The following SLC25A32 variants were observed in gnomAD, a reference collection of about 807,000 sequenced individuals.
SLC25A32 encodes Glycine auxotroph B, complementation of hamster.
Under a neutral mutation model 39.0 loss-of-function variants are expected in SLC25A32, and 32 were observed. The ratio of observed to expected loss-of-function variants is 0.82; its 90% CI spans 0.62 to 1.10. The LOEUF is 1.10. Among genes scored for constraint, SLC25A32 ranks in the 50% least tolerant of loss-of-function variants. SLC25A32 has a pLI of 0.00. For missense variants in SLC25A32, 367 were observed against 395.3 expected (o/e 0.93, Z 0.61); for synonymous variants, 166 against 152.4 (o/e 1.09, Z -0.66).
At position 103,402,522 on chromosome 8, in the gene SLC25A32, C is replaced by T. The variant is rs544661565; in HGVS notation, c.553-468G>A. 3 of 152,220 alleles carry T rather than the reference C, an allele frequency of 2.0e-5. No homozygotes were observed. The South Asian group carries it at 6.2e-4, about 32-fold the overall frequency. 9.4% of individuals were successfully genotyped at this position (152,220 alleles called of 1,614,324 possible). Reference sequence around the variant, plus strand: ...CTTAAAATGATTTTAAAAGCTATTACTCAATTCTTGAAAAACAAACTGAAA... The same window carrying T: ...CTTAAAATGATTTTAAAAGCTATTATTCAATTCTTGAAAAACAAACTGAAA... On this transcript the variant is annotated intron_variant, in intron 4 of 6. Coordinates refer to ENST00000297578, the MANE Select transcript of SLC25A32 (RefSeq NM_030780.5).
At chr8:103,406,065 G>GTATATATATATATATATATA (rs1554628989) in intron 2 of SLC25A32, among the ~76,000 whole-genome samples, 2 of 144,164 alleles carry the variant, frequency 1.4e-5, no homozygotes, top group African/African-American at 2.6e-5. Flanking sequence ...GTGTGTGTGT[G>GTATATATATATATATATATA]TATATATATA....
chr8:103,402,286 TA>T (rs1370100215), intron 4 of SLC25A32: 1 of 368,066 alleles, frequency 2.7e-6, no homozygotes, highest in Non-Finnish European at 4.9e-6. Context: ...AGTTTTTCTT[TA>T]AACAGTATAC....
chr8:103,409,338 C>T (rs777219508), intron 1 of SLC25A32, among the ~76,000 whole-genome samples: 1 of 152,128 alleles, frequency 6.6e-6, no homozygotes, highest in Non-Finnish European at 1.5e-5. Flanking sequence ...TGTTATTCAA[C>T]AGATTCCCCC....
Position 103,398,824 on chromosome 8 carries a change from C to T in SLC25A32, c.*1587G>A, listed in dbSNP as rs986394903. ...GTATGAAAAAATACATCATATTTAA[C>T]TTATAAAGCATTCATCTGCATGTTA... is the stretch of plus-strand genomic sequence containing the variant. On this transcript the variant is annotated 3_prime_UTR_variant, in exon 7 of 7. Coordinates refer to ENST00000297578, the MANE Select transcript of SLC25A32 (RefSeq NM_030780.5). 1.3e-5 allele frequency: 2 copies of T among 150,980 alleles called. No individual in the cohort carries two copies. The highest frequency in any genetic ancestry group is 3.0e-5 in the Non-Finnish European group (2 of 67,748). The allele number at this position is 150,980 out of a possible 1,614,324, so 9.4% of individuals were successfully genotyped here. A position where few individuals can be genotyped will look rare whatever the true frequency, so the allele number is the denominator to read the frequency against.
At position 103,408,018 on chromosome 8, in the gene SLC25A32, C is replaced by T. The variant is rs1279705036; in HGVS notation, c.155-234G>A. Among the ~76,000 whole-genome samples, 7 of 149,410 alleles carry T rather than the reference C, an allele frequency of 4.7e-5. No individual in the cohort carries two copies. In the East Asian group the frequency reaches 1.4e-3, roughly 29 times the overall value. ...TTTGTGTCAGAGTCCCGCTCTATTG[C>T]CCCGGCTGGAGTGCAGTGGCACGAT... On this transcript the variant is annotated intron_variant, in intron 1 of 6. Coordinates refer to ENST00000297578, the MANE Select transcript of SLC25A32 (RefSeq NM_030780.5).
chr8:103,403,063 C>A, intron 4 of SLC25A32, 101 bp downstream of exon 4: 1 of 730,414 alleles, frequency 1.4e-6, no homozygotes, highest in Non-Finnish European at 2.1e-6. Context: ...CTAAGTGTGG[C>A]TTCTTTTTAG....
Position 103,400,416 on chromosome 8 carries a change from TTC to T in SLC25A32, c.941_942del (p.Arg314LysfsTer25). Reference protein sequence around the residue: ...SHFLLDLREKRK With the variant: ...SHFLLDLREKXK ...TGGAATTGTCCTCTTTGAGCTTACT[TTC>T]TCTTTTCTCTAAGGTCAAGTAAAAA... is the stretch of plus-strand genomic sequence containing the variant. On this transcript the variant is annotated frameshift_variant, in exon 7 of 7. Coordinates refer to ENST00000297578, the MANE Select transcript of SLC25A32 (RefSeq NM_030780.5). LOFTEE classifies it high-confidence loss of function. The T allele has an allele frequency of 6.2e-7, 1 of 1,614,156 alleles. No individual in the cohort carries two copies. Among genetic ancestry groups the T allele is most frequent in the Non-Finnish European group, 8.5e-7 (1 of 1,180,002 alleles).
chr8:103,400,426 T>G lies in SLC25A32; in HGVS notation c.933A>C (p.Arg311Ser), dbSNP rs760822562. The G allele has an allele frequency of 1.2e-6, 2 of 1,614,142 alleles. No individual in the cohort carries two copies. The highest frequency in any genetic ancestry group is 8.5e-7 in the Non-Finnish European group (1 of 1,180,000). Residue 311 changes from arginine (R) to serine (S), a missense_variant, in exon 7 of 7, where the codon AGA (arginine) becomes AGC (serine). Arg to Ser is a moderately radical substitution (Grantham distance 110, BLOSUM62 -1). Coordinates refer to ENST00000297578, the MANE Select transcript of SLC25A32 (RefSeq NM_030780.5). ...CTCTTTGAGCTTACTTTCTCTTTTC[T>G]CTAAGGTCAAGTAAAAAATGTGAGA... ...ENVSHFLLDL[R>S]EKRK
At position 103,407,635 on chromosome 8, in the gene SLC25A32, A is replaced by AG; in HGVS notation, c.303dup (p.Phe102LeufsTer9). ...GTAAAATCTCCCAAATCTACTCACAAGAAAAAGTAGAGTCCCCAGGATAAA... is the reference window on the plus strand; with the variant it reads ...GTAAAATCTCCCAAATCTACTCACAAGGAAAAAGTAGAGTCCCCAGGATAAA... On this transcript the variant is annotated frameshift_variant and splice_region_variant, in exon 2 of 7. Coordinates refer to ENST00000297578, the MANE Select transcript of SLC25A32 (RefSeq NM_030780.5). LOFTEE classifies it high-confidence loss of function. 3.2e-6 allele frequency: 5 copies of AG among 1,551,578 alleles called. No individual in the cohort carries two copies. The highest frequency in any genetic ancestry group is 4.4e-6 in the Non-Finnish European group (5 of 1,144,588).
At chr8:103,400,824 T>A (rs1324317648) in intron 6 of SLC25A32, among the ~76,000 whole-genome samples, 1 of 152,208 alleles carries the variant, frequency 6.6e-6, no homozygotes, top group Non-Finnish European at 1.5e-5. Flanking sequence ...TAAATGTATG[T>A]ACAAGCAGGA....
chr8:103,403,409 T>C (rs1586111695), intron 3 of SLC25A32, 85 bp from the exon 4 acceptor site: 1 of 237,710 alleles, frequency 4.2e-6, no homozygotes. Flanking sequence ...TACATTTATG[T>C]AAAAAAAAAA....
intron 6 of SLC25A32, 92 bp from the exon 7 acceptor site, chr8:103,400,638 G>A (rs1170653404): frequency 7.6e-6 from 10 of 1,318,388 alleles, no homozygotes; most frequent in Non-Finnish European, 1.1e-5. Flanking sequence ...GGAGCAAGCA[G>A]CAGTCAAACC....
chr8:103,406,659 A>G (rs1386643918), intron 2 of SLC25A32, among the ~76,000 whole-genome samples: 1 of 152,254 alleles, frequency 6.6e-6, no homozygotes, highest in Non-Finnish European at 1.5e-5. Context: ...AAACAAGAAG[A>G]AACAATTTGC....
chr8:103,401,255 T>C (rs1488533522), intron 6 of SLC25A32, among the ~76,000 whole-genome samples: 2 of 152,250 alleles, frequency 1.3e-5, no homozygotes, highest in Non-Finnish European at 2.9e-5. Context: ...CTAAATTTTA[T>C]TTTCCAAAAC....
In SLC25A32 at chr8:103,404,787, G is replaced by A; in HGVS notation, c.380C>T (p.Ala127Val). The A allele has an allele frequency of 6.2e-7, 1 of 1,611,642 alleles. No individual in the cohort carries two copies. Among genetic ancestry groups the A allele is most frequent in the African/African-American group, 1.3e-5 (1 of 75,018 alleles). ...ACACATTGCCTTACCAGCTTCAGCA[G>A]CTGAGACAAGGTATTCTGTTGCCTC... ...RLEATEYLVS[A>V]AEAGAMTLCI... Residue 127 changes from alanine to valine, a missense_variant, in exon 3 of 7, where the codon GCT becomes GTT. Transcript: ENST00000297578.
chr8:103,400,601 A>C, intron 6 of SLC25A32, 55 bp from the exon 7 acceptor site: 1 of 1,585,812 alleles, frequency 6.3e-7, no homozygotes. Context: ...GCTTGAAAAC[A>C]CGGAAGTTCT....
chr8:103,414,293 T>C lies in SLC25A32; in HGVS notation c.154+491A>G, dbSNP rs114768957. ...ATTCTAGCTATTTTTTCACAGAAAC[T>C]TGTACCATTCTACAAATGCCAAAAA... On this transcript the variant is annotated intron_variant, in intron 1 of 6. Coordinates refer to ENST00000297578, the MANE Select transcript of SLC25A32 (RefSeq NM_030780.5). Among the ~76,000 whole-genome samples the C allele has an allele frequency of 4.7e-3, 716 of 152,320 alleles. 12 individuals carry two copies. Among genetic ancestry groups the C allele is most frequent in the African/African-American group, 0.015 (609 of 41,566 alleles).
At chr8:103,403,878 A>G (rs1463447056) in intron 3 of SLC25A32, among the ~76,000 whole-genome samples, 1 of 152,228 alleles carries the variant, frequency 6.6e-6, no homozygotes, top group Non-Finnish European at 1.5e-5. Flanking sequence ...TCCTTTATAG[A>G]GTGACAATTT....
At position 103,400,163 on chromosome 8, in the gene SLC25A32, T is replaced by C. The variant is rs1372511822; in HGVS notation, c.*248A>G. ...GTAGAAATCTGTGAAACTCTATCCT[T>C]CGTGTCAGTTTTAACATTGTGTTGA... is the stretch of plus-strand genomic sequence containing the variant. On this transcript the variant is annotated 3_prime_UTR_variant, in exon 7 of 7. Transcript: ENST00000297578. 4.3e-6 allele frequency: 2 copies of C among 469,904 alleles called. No individual in the cohort carries two copies. Among genetic ancestry groups the C allele is most frequent in the Non-Finnish European group, 3.8e-6 (1 of 265,780 alleles). 29.1% of individuals were successfully genotyped at this position (469,904 alleles called of 1,614,324 possible). A position where few individuals can be genotyped will look rare whatever the true frequency, so the allele number is the denominator to read the frequency against.
Sources: allele counts gnomAD v4.1 joint callset (sites outside exome capture counted in the v4.1 genomes callset), GRCh38; gene constraint gnomAD v4.1.1; transcripts MANE v1.5; gene names NCBI Gene and HGNC (gene_info 2026-07-23, HGNC 2026-07-21).